NKAIN3: variants seen among roughly 807,000 people sequenced by gnomAD.
The protein encoded by NKAIN3 is sodium/potassium-transporting ATPase subunit beta-1-interacting protein 3.
In NKAIN3, 25 loss-of-function variants were observed where a neutral mutation model predicts 30.2. The ratio of observed to expected loss-of-function variants is 0.83; its 90% CI spans 0.60 to 1.16. NKAIN3 has a LOEUF of 1.16. Ranked by LOEUF, NKAIN3 falls within the 50% of genes most tolerant of loss-of-function variation. NKAIN3 has a pLI of 0.00. For missense variants in NKAIN3, 225 were observed against 254.1 expected, an observed-to-expected ratio of 0.89 and a Z score of 0.78; for synonymous variants, 91 against 89.6, an observed-to-expected ratio of 1.02 and a Z score of -0.09.
intron 1 of NKAIN3, among the ~76,000 whole-genome samples, chr8:62,415,153 CTATAGT>C (rs1563388577): frequency 1.5e-5 from 2 of 133,700 alleles, no homozygotes; most frequent in African/African-American, 2.8e-5. Flanking sequence ...GTATTATATA[CTATAGT>C]ATATTATATA....
At chr8:62,621,781 C>A (rs1307663105) in intron 3 of NKAIN3, among the ~76,000 whole-genome samples, 1 of 152,036 alleles carries the variant, frequency 6.6e-6, no homozygotes, top group African/African-American at 2.4e-5. Context: ...TCCTTGCTAG[C>A]TCCAAATCCT....
chr8:62,679,490 A>G (rs190425550), intron 3 of NKAIN3, among the ~76,000 whole-genome samples: 121 of 152,280 alleles, frequency 7.9e-4, no homozygotes, highest in African/African-American at 2.5e-3. Flanking sequence ...CCATTCTCGA[A>G]CTGCTATAAA....
intron 1 of NKAIN3, among the ~76,000 whole-genome samples, chr8:62,299,642 A>G (rs1336851420): frequency 2.6e-5 from 4 of 151,940 alleles, no homozygotes; most frequent in Non-Finnish European, 4.4e-5. Flanking sequence ...TTGTAAATTT[A>G]GGACTTGATG....
chr8:62,985,752 G>GA (rs1174435545), downstream of NKAIN3, among the ~76,000 whole-genome samples: 612 of 136,838 alleles, frequency 4.5e-3, 3 homozygotes, highest in Middle Eastern at 0.012. Flanking sequence ...ATTCATCACA[G>GA]AAAAAAAAAA....
chr8:62,582,479 G>A (rs79026737), intron 2 of NKAIN3, among the ~76,000 whole-genome samples: 2,084 of 152,238 alleles, frequency 0.014, 42 homozygotes, highest in African/African-American at 0.043. Flanking sequence ...TCTGCCTGTA[G>A]CCGGGCAATG....
At chr8:62,775,044 T>A (rs758225404) in intron 4 of NKAIN3, among the ~76,000 whole-genome samples, 2 of 152,118 alleles carry the variant, frequency 1.3e-5, no homozygotes, top group South Asian at 2.1e-4. Flanking sequence ...AAGCTTTTCT[T>A]TGCTGGGAGG....
chr8:62,959,433 G>GGTGTGTGTGTGGGTGTGTGT (rs71559385), intron 6 of NKAIN3, among the ~76,000 whole-genome samples: 2 of 143,154 alleles, frequency 1.4e-5, no homozygotes, highest in African/African-American at 5.3e-5. Context: ...GACAAATCAG[G>GGTGTGTGTGTGGGTGTGTGT]GTGTGTGTGT....
At chr8:62,902,201 A>G (rs942289124) in intron 4 of NKAIN3, among the ~76,000 whole-genome samples, 1 of 152,200 alleles carries the variant, frequency 6.6e-6, no homozygotes, top group Admixed American at 6.5e-5. Context: ...CCATTGGCAC[A>G]AATATGCTTC....
intron 2 of NKAIN3, among the ~76,000 whole-genome samples, chr8:62,587,868 A>C (rs1810527725): frequency 1.3e-5 from 2 of 152,010 alleles, no homozygotes; most frequent in African/African-American, 4.8e-5. Context: ...ACAACTTGTG[A>C]GAGATCCTGA....
intron 4 of NKAIN3, among the ~76,000 whole-genome samples, chr8:62,814,557 A>G (rs1818613554): frequency 6.6e-6 from 1 of 152,144 alleles, no homozygotes; most frequent in Non-Finnish European, 1.5e-5. Flanking sequence ...CAATCAAACT[A>G]GAACTCAGGA....
intron 3 of NKAIN3, among the ~76,000 whole-genome samples, chr8:62,611,372 G>A (rs1175641846): frequency 1.3e-5 from 2 of 152,116 alleles, no homozygotes; most frequent in South Asian, 4.2e-4. Flanking sequence ...ACCCTATTGT[G>A]CTATCAAGTA....
At chr8:62,995,894 T>G (rs1050894443) in intron 5 of NKAIN3, among the ~76,000 whole-genome samples, 1 of 152,192 alleles carries the variant, frequency 6.6e-6, no homozygotes, top group Non-Finnish European at 1.5e-5. Flanking sequence ...TTGTTAGAAA[T>G]GCAAATTCTC....
rs1296818190 is a variant in NKAIN3 at position 62,965,942 on chromosome 8, A to C, written c.*535A>C. The C allele has an allele frequency of 1.0e-6, 1 of 985,070 alleles. No homozygotes were observed. Among genetic ancestry groups the C allele is most frequent in the African/African-American group, 1.7e-5 (1 of 57,230 alleles). 61.0% of individuals were successfully genotyped at this position (985,070 alleles called of 1,614,324 possible). ...TCATTTTTTCAACAGCATAAAACAA[A>C]ACATGGAGTCCTCCTTTGTTCCTGA... On this transcript the variant is annotated 3_prime_UTR_variant, in exon 7 of 7. Transcript: ENST00000623646.
chr8:62,524,213 AC>A (rs1373802324), intron 1 of NKAIN3, among the ~76,000 whole-genome samples: 1 of 143,152 alleles, frequency 7.0e-6, no homozygotes, highest in South Asian at 2.4e-4. Context: ...GGCTAAGTCC[AC>A]CCCCCACCAA....
intron 1 of NKAIN3, among the ~76,000 whole-genome samples, chr8:62,284,671 G>A (rs1390170224): frequency 6.6e-6 from 1 of 151,954 alleles, no homozygotes; most frequent in Non-Finnish European, 1.5e-5. Context: ...TAGACTGTGT[G>A]GTGCTTAGTT....
At chr8:62,268,042 G>A (rs1812661285) in intron 1 of NKAIN3, among the ~76,000 whole-genome samples, 1 of 152,088 alleles carries the variant, frequency 6.6e-6, no homozygotes, top group Non-Finnish European at 1.5e-5. Flanking sequence ...TAGACAATGG[G>A]TATTTATTAA....
At chr8:62,551,962 T>G (rs1585936886) in intron 1 of NKAIN3, among the ~76,000 whole-genome samples, 1 of 152,208 alleles carries the variant, frequency 6.6e-6, no homozygotes, top group South Asian at 2.1e-4. Context: ...TCAAATTTCA[T>G]GGAAAATATT....
At position 62,271,335 on chromosome 8, in the gene NKAIN3, C is replaced by T. The variant is rs574008943; in HGVS notation, c.54+22208C>T. 1.4e-3 allele frequency among the ~76,000 whole-genome samples: 209 copies of T among 152,202 alleles called. 1 individual carries two copies. Among genetic ancestry groups the T allele is most frequent in the South Asian group, 7.9e-3 (38 of 4,816 alleles). On this transcript the variant is annotated intron_variant, in intron 1 of 6. Coordinates refer to ENST00000623646, the MANE Select transcript of NKAIN3 (RefSeq NM_001304533.3). ...TTTAAGCACAAGATTTGTAGGTGGC[C>T]GCCAAATTGGGAATTTTAGAAAAGA... is the stretch of plus-strand genomic sequence containing the variant.
chr8:62,327,552 C>T (rs1333204073), intron 1 of NKAIN3, among the ~76,000 whole-genome samples: 1 of 152,048 alleles, frequency 6.6e-6, no homozygotes, highest in African/African-American at 2.4e-5. Flanking sequence ...AGTTCCCCAG[C>T]ACCATTTTTT....
Sources: gnomAD v4.1 joint callset for allele counts (sites outside exome capture counted in the v4.1 genomes callset) on GRCh38, gnomAD v4.1.1 for gene constraint, MANE v1.5 for transcripts, NCBI Gene and HGNC (gene_info 2026-07-23, HGNC 2026-07-21) for gene names.